Variants in DSC3 observed in about 807,000 individuals in gnomAD.
The protein encoded by DSC3 is desmocollin 3.
A neutral mutation model predicts 89.5 loss-of-function variants in DSC3; 97 were observed. That is an observed-to-expected ratio of 1.08 (90% CI 0.92 to 1.28). DSC3 has a LOEUF of 1.28. Ranked by LOEUF, DSC3 falls within the 50% of genes most tolerant of loss-of-function variation. DSC3 has a pLI of 0.00. For synonymous variants in DSC3, 436 were observed against 384.1 expected, an observed-to-expected ratio of 1.14 and a Z score of -1.58; for missense variants, 1,199 against 1,085.3, an observed-to-expected ratio of 1.10 and a Z score of -1.47.
At chr18:31,041,032 C>T (rs1986113580) in intron 1 of DSC3, among the ~76,000 whole-genome samples, 1 of 152,032 alleles carries the variant, frequency 6.6e-6, no homozygotes, top group South Asian at 2.1e-4. Context: ...CGAGTATGTG[C>T]TAGATCAAAG....
Position 31,022,444 on chromosome 18 carries a change from C to T in DSC3, c.834G>A (p.Thr278=), listed in dbSNP as rs926254758. The change falls in exon 7 of 16, where the codon ACG becomes ACA. Residue 278 remains threonine, a synonymous_variant. Transcript: ENST00000360428. ...GCTGCAAAATGCTGTATTTCAGGCG[C>T]GTATGCATTGTGTCCGGTTCATCTC... ...TDRDEPDTMH[T]RLKYSILQQT... 21 of 1,613,898 alleles carry T rather than the reference C, an allele frequency of 1.3e-5. No homozygotes were observed. Among genetic ancestry groups the T allele is most frequent in the East Asian group, 8.9e-5 (4 of 44,876 alleles).
chr18:31,011,539 T>C (rs1985057073), intron 9 of DSC3, among the ~76,000 whole-genome samples: 1 of 152,212 alleles, frequency 6.6e-6, no homozygotes. Flanking sequence ...AGAGGAGGAT[T>C]CCTTTAGAGT....
intron 6 of DSC3, among the ~76,000 whole-genome samples, 199 bp downstream of exon 6, chr18:31,024,150 C>T (rs571064299): frequency 1.7e-4 from 26 of 152,162 alleles, no homozygotes; most frequent in Admixed American, 5.2e-4. Context: ...ATCATATTGA[C>T]AATGACAGAA....
rs1984372859 is a variant in DSC3 at position 30,994,198 on chromosome 18, C to T, written c.2668G>A (p.Ala890Thr). The change falls in exon 16 of 16, where the codon GCA (alanine) becomes ACA (threonine). Residue 890 changes from alanine (A) to threonine (T), a missense_variant. Ala to Thr is a moderately conservative substitution (Grantham distance 58). Coordinates refer to ENST00000360428, the MANE Select transcript of DSC3 (RefSeq NM_001941.5). ...NNLEPKFITL[A>T]EACTKR ...CATTATCTCTTTGTGCATGCTTCTG[C>T]TAATGTAATAAATTTGGGTTCCAAA... 1 of 1,613,874 alleles carries T rather than the reference C, an allele frequency of 6.2e-7. No homozygotes were observed. The highest frequency in any genetic ancestry group is 1.7e-5 in the Admixed American group (1 of 59,994).
At chr18:31,011,676 A>G (rs1453783150) in intron 9 of DSC3, among the ~76,000 whole-genome samples, 1 of 152,150 alleles carries the variant, frequency 6.6e-6, no homozygotes, top group Non-Finnish European at 1.5e-5. Flanking sequence ...TTTCAAATAA[A>G]AGATGACTCA....
chr18:31,005,098 A>G (rs1200758062), intron 12 of DSC3, among the ~76,000 whole-genome samples: 1 of 152,202 alleles, frequency 6.6e-6, no homozygotes, highest in Admixed American at 6.5e-5. Flanking sequence ...CCTGGAAGTC[A>G]TCTGGAATTC....
At chr18:31,003,119 T>A (rs1051943789) in intron 13 of DSC3, among the ~76,000 whole-genome samples, 6 of 152,232 alleles carry the variant, frequency 3.9e-5, no homozygotes, top group African/African-American at 1.4e-4. Flanking sequence ...TCCGCCTGGC[T>A]CTTTCACCTC....
Position 31,018,103 on chromosome 18 carries a change from CTTT to C in DSC3, c.1228_1230del (p.Lys410del). The C allele has an allele frequency of 6.2e-7, 1 of 1,612,416 alleles. No individual in the cohort carries two copies. ...ACAGAAAGAACACCTTCATTAGTTT[CTTT>C]GTCTGTGCTGATTTTGAAATGTCCA... On this transcript the variant is annotated inframe_deletion, in exon 9 of 16. Transcript: ENST00000360428.
chr18:31,018,652 T>C lies in DSC3; in HGVS notation c.1077+14A>G. 1 of 1,611,280 alleles carries C rather than the reference T, an allele frequency of 6.2e-7. No homozygotes were observed. The highest frequency in any genetic ancestry group is 8.5e-7 in the Non-Finnish European group (1 of 1,179,168). On this transcript the variant is annotated intron_variant, in intron 8 of 15. Coordinates refer to ENST00000360428, the MANE Select transcript of DSC3 (RefSeq NM_001941.5). ...CAGATAAGACAGAGGCAGATTTTGA[T>C]ATTATATACTTACAGCATTTTGTCT...
rs1300575889 is a variant in DSC3 at position 31,008,400 on chromosome 18, C to T, written c.1389G>A (p.Arg463=). ...TGCATTCAGGCCCCTCATCCAGATC[C>T]CTCACATGAACTGTAACCAAGGCTC... ...LNRALVTVHV[R]DLDEGPECTP... The change falls in exon 10 of 16, where the codon AGG becomes AGA. Residue 463 remains arginine, a synonymous_variant. Transcript: ENST00000360428. The T allele has an allele frequency of 1.2e-6, 2 of 1,614,138 alleles. No homozygotes were observed. Among genetic ancestry groups the T allele is most frequent in the Admixed American group, 1.7e-5 (1 of 60,004 alleles).
intron 7 of DSC3, among the ~76,000 whole-genome samples, chr18:31,019,832 CT>C (rs1387574943): frequency 6.6e-6 from 1 of 152,088 alleles, no homozygotes; most frequent in Non-Finnish European, 1.5e-5. Context: ...TGTCCCAAAT[CT>C]GAGGCAGTAG....
intron 9 of DSC3, among the ~76,000 whole-genome samples, 154 bp downstream of exon 9, chr18:31,017,917 G>A (rs1985286583): frequency 6.6e-6 from 1 of 152,136 alleles, no homozygotes; most frequent in African/African-American, 2.4e-5. Context: ...AATTACAGAA[G>A]ACACACAGGC....
chr18:31,009,349 G>A (rs187685115), intron 9 of DSC3, among the ~76,000 whole-genome samples: 6 of 152,124 alleles, frequency 3.9e-5, no homozygotes, highest in African/African-American at 1.4e-4. Flanking sequence ...CACCATGCCC[G>A]GCCCCAAATG....
intron 3 of DSC3, 61 bp downstream of exon 3, chr18:31,030,912 A>AT (rs1222222569): frequency 6.8e-7 from 1 of 1,476,016 alleles, no homozygotes; most frequent in Non-Finnish European, 9.4e-7. Flanking sequence ...TCTCTTTGCA[A>AT]TTTTTAATAA....
At chr18:31,006,170 C>T (rs962505806) in intron 12 of DSC3, among the ~76,000 whole-genome samples, 1 of 152,068 alleles carries the variant, frequency 6.6e-6, no homozygotes, top group South Asian at 2.1e-4. Flanking sequence ...TGCTATATCC[C>T]GCCAGGTTCA....
intron 7 of DSC3, among the ~76,000 whole-genome samples, chr18:31,021,235 T>C (rs9807658): frequency 0.045 from 6,865 of 152,092 alleles, 515 homozygotes; most frequent in African/African-American, 0.16. Context: ...TTTCTAAACC[T>C]CATTTTAAAA....
intron 9 of DSC3, among the ~76,000 whole-genome samples, chr18:31,014,519 A>G (rs902327972): frequency 1.3e-5 from 2 of 152,090 alleles, no homozygotes; most frequent in Non-Finnish European, 2.9e-5. Context: ...TGGACTGCTT[A>G]CTGAAAATTT....
chr18:31,007,900 TTAAAG>T lies in DSC3; in HGVS notation c.1663+111_1663+115del. Reference sequence around the variant, plus strand: ...TAATTAAGAGAGACAGAAAGAGTCTTTAAAGTAATTTCAAAGAATTCCATACACTT... The same window carrying T: ...TAATTAAGAGAGACAGAAAGAGTCTTTAATTTCAAAGAATTCCATACACTT... On this transcript the variant is annotated intron_variant, in intron 11 of 15. Transcript: ENST00000360428. The T allele has an allele frequency of 5.2e-6, 5 of 967,948 alleles. No homozygotes were observed. In the South Asian group the frequency reaches 6.3e-5, roughly 12 times the overall value. The allele number at this position is 967,948 out of a possible 1,614,324, so 60.0% of individuals were successfully genotyped here. A position where few individuals can be genotyped will look rare whatever the true frequency, so the allele number is the denominator to read the frequency against.
At chr18:31,020,902 A>T (rs1189555488) in intron 7 of DSC3, among the ~76,000 whole-genome samples, 1 of 152,164 alleles carries the variant, frequency 6.6e-6, no homozygotes, top group Non-Finnish European at 1.5e-5. Flanking sequence ...TGTCTGTGCC[A>T]TTGCACTTCA....
Sources: allele counts gnomAD v4.1 joint callset (sites outside exome capture counted in the v4.1 genomes callset), GRCh38; gene constraint gnomAD v4.1.1; transcripts MANE v1.5; gene names NCBI Gene and HGNC (gene_info 2026-07-23, HGNC 2026-07-21).